The following ZDHHC11 variants were observed in gnomAD, a reference collection of about 807,000 sequenced individuals.
ZDHHC11 encodes palmitoyltransferase ZDHHC11.
ZDHHC11 carries 44 observed loss-of-function variants against 51.3 expected under a neutral mutation model. That is an observed-to-expected ratio of 0.86 (90% CI 0.67 to 1.10). The LOEUF is 1.10. Ranked by LOEUF, ZDHHC11 falls within the 50% of genes least tolerant of loss-of-function variation. The probability of loss-of-function intolerance (pLI) is 0.00; values close to 1 mark genes in which losing one functional copy is unlikely to be tolerated. For synonymous variants in ZDHHC11, 163 were observed against 222.0 expected, an observed-to-expected ratio of 0.73 and a Z score of 2.36; for missense variants, 400 against 537.7, an observed-to-expected ratio of 0.74 and a Z score of 2.53.
In ZDHHC11 at chr5:850,873, G is replaced by A. The variant is rs1004801931; in HGVS notation, c.-271C>T. On this transcript the variant is annotated 5_prime_UTR_variant, in exon 1 of 13. Transcript: ENST00000283441. The stretch of plus-strand genomic sequence containing the variant: ...GTGGCAACGGAAAACGGCTCTCCAG[G>A]GTGTGGAGGACCCAGTGCCCGCGCG... 5 of 515,462 alleles carry A rather than the reference G, an allele frequency of 9.7e-6. No homozygotes were observed. In the African/African-American group the frequency reaches 1.9e-4, roughly 19 times the overall value. The allele number at this position is 515,462 out of a possible 1,614,324, so 31.9% of individuals were successfully genotyped here.
chr5:852,750 G>A (rs1431901054), upstream of ZDHHC11, among the ~76,000 whole-genome samples: 1 of 137,090 alleles, frequency 7.3e-6, no homozygotes, highest in Non-Finnish European at 1.5e-5. Context: ...CCGGGGGACA[G>A]ACCCCATGGA....
intron 11 of ZDHHC11, among the ~76,000 whole-genome samples, chr5:809,354 G>A (rs1166783411): frequency 7.0e-6 from 1 of 141,912 alleles, no homozygotes; most frequent in African/African-American, 2.8e-5. Flanking sequence ...AGATTCACAG[G>A]CTGAAGTCCT....
chr5:853,671 ACGG>A (rs1747669691), upstream of ZDHHC11, among the ~76,000 whole-genome samples: 1 of 132,126 alleles, frequency 7.6e-6, no homozygotes. Context: ...ACAGCGAGCC[ACGG>A]GGACAGACCC....
intron 4 of ZDHHC11, 159 bp from the exon 5 acceptor site, chr5:840,809 GCC>G: frequency 6.0e-6 from 9 of 1,497,120 alleles, no homozygotes; most frequent in Non-Finnish European, 7.2e-6. Context: ...TTACCTGAGT[GCC>G]CCGTAGGCCC....
At position 813,094 on chromosome 5, in the gene ZDHHC11, T is replaced by C. The variant is rs527796805; in HGVS notation, c.1181+1667A>G. Among the ~76,000 whole-genome samples the C allele has an allele frequency of 2.3e-4, 34 of 145,122 alleles. 1 individual carries two copies. Among genetic ancestry groups the C allele is most frequent in the Admixed American group, 8.5e-4 (12 of 14,174 alleles). ...ACTCATGTCTGTAGTCCCAACACTT[T>C]AGGAGGCTGAGGCAGGCAAATCGCT... is the stretch of plus-strand genomic sequence containing the variant. On this transcript the variant is annotated intron_variant, in intron 11 of 12. Transcript: ENST00000283441.
chr5:810,663 G>C (rs1243361183), intron 11 of ZDHHC11, among the ~76,000 whole-genome samples: 1 of 151,506 alleles, frequency 6.6e-6, no homozygotes, highest in Non-Finnish European at 1.5e-5. Context: ...GGACCAGCTG[G>C]ATCCAAACTG....
rs1273048394 is a variant in ZDHHC11 at position 824,149 on chromosome 5, C to A, written c.1023+1015G>T. 1.8e-5 allele frequency: 8 copies of A among 449,502 alleles called. No individual in the cohort carries two copies. In the East Asian group the frequency reaches 4.9e-4, roughly 27 times the overall value. 27.8% of individuals were successfully genotyped at this position (449,502 alleles called of 1,614,324 possible). ...TAACCTCCAGAAGCTGGCCCCATGA[C>A]AAAACCTGCTCAAAAGGACCAGCCT... On this transcript the variant is annotated intron_variant, in intron 8 of 12. Coordinates refer to ENST00000283441, the MANE Select transcript of ZDHHC11 (RefSeq NM_024786.3).
At chr5:836,177 G>A (rs1287871613) in intron 6 of ZDHHC11, among the ~76,000 whole-genome samples, 2 of 150,200 alleles carry the variant, frequency 1.3e-5, no homozygotes, top group Non-Finnish European at 3.0e-5. Context: ...GGTACACAGG[G>A]TGCTTTCCTA....
intron 6 of ZDHHC11, among the ~76,000 whole-genome samples, chr5:835,039 A>AT (rs1285075788): frequency 6.6e-5 from 10 of 151,744 alleles, no homozygotes; most frequent in Non-Finnish European, 1.3e-4. Context: ...CCAAACTATG[A>AT]TTTTTTTCTT....
At chr5:816,693 G>C in intron 10 of ZDHHC11, 1 of 598,930 alleles carries the variant, frequency 1.7e-6, no homozygotes, top group Non-Finnish European at 3.2e-6. Flanking sequence ...GCTTTGTGAT[G>C]ATGGGAATTC....
chr5:805,895 T>A (rs1321944288), intron 11 of ZDHHC11, among the ~76,000 whole-genome samples: 2 of 151,048 alleles, frequency 1.3e-5, no homozygotes, highest in African/African-American at 2.4e-5. Flanking sequence ...GGAGCGAGGA[T>A]GGGGGTGGGA....
At chr5:810,284 T>C (rs903478171) in intron 11 of ZDHHC11, among the ~76,000 whole-genome samples, 8 of 142,938 alleles carry the variant, frequency 5.6e-5, no homozygotes, top group Non-Finnish European at 1.1e-4. Context: ...TACAAGCCAC[T>C]GAATGAGGCG....
upstream of ZDHHC11, among the ~76,000 whole-genome samples, chr5:853,235 C>A (rs1376776190): frequency 2.0e-5 from 3 of 148,958 alleles, no homozygotes; most frequent in African/African-American, 7.5e-5. Flanking sequence ...GGGGCACGGA[C>A]CCCACGGAGG....
At chr5:796,978 C>A (rs547357333) in intron 12 of ZDHHC11, among the ~76,000 whole-genome samples, 1 of 151,822 alleles carries the variant, frequency 6.6e-6, no homozygotes, top group South Asian at 2.1e-4. Context: ...GAGTCCGAGG[C>A]GGGTGGATCA....
At chr5:828,703 C>G (rs575374722) in intron 7 of ZDHHC11, among the ~76,000 whole-genome samples, 23 of 151,076 alleles carry the variant, frequency 1.5e-4, no homozygotes, top group Admixed American at 2.0e-4. Flanking sequence ...AATGTACATT[C>G]TTTTCATCAG....
upstream of ZDHHC11, among the ~76,000 whole-genome samples, chr5:855,460 C>T (rs147353404): frequency 9.8e-4 from 132 of 135,300 alleles, no homozygotes; most frequent in African/African-American, 3.6e-3. Flanking sequence ...ACAGACCCCA[C>T]AGAGGACAGT....
chr5:846,472 TA>T, intron 3 of ZDHHC11, among the ~76,000 whole-genome samples: 2 of 150,148 alleles, frequency 1.3e-5, no homozygotes, highest in African/African-American at 5.0e-5. Context: ...ACCTCTCATC[TA>T]TGAGCCTCCA....
upstream of ZDHHC11, among the ~76,000 whole-genome samples, chr5:854,261 CCCA>C (rs1747786033): frequency 6.7e-6 from 1 of 149,308 alleles, no homozygotes; most frequent in South Asian, 2.1e-4. Flanking sequence ...GTGGATAGAC[CCCA>C]CCAAGGACAG....
At chr5:807,842 A>C (rs1194504068) in intron 11 of ZDHHC11, among the ~76,000 whole-genome samples, 1 of 151,612 alleles carries the variant, frequency 6.6e-6, no homozygotes, top group Non-Finnish European at 1.5e-5. Context: ...GGTGCCAATT[A>C]GTTTCTGATC....
Sources: gnomAD v4.1 joint callset for allele counts (sites outside exome capture counted in the v4.1 genomes callset) on GRCh38, gnomAD v4.1.1 for gene constraint, MANE v1.5 for transcripts, NCBI Gene and HGNC (gene_info 2026-07-23, HGNC 2026-07-21) for gene names.